PRKAR1A: variants seen among roughly 807,000 people sequenced by gnomAD.
PRKAR1A encodes the protein cAMP-dependent protein kinase type I-alpha regulatory subunit.
PRKAR1A carries 3 observed loss-of-function variants against 52.0 expected under a neutral mutation model. That is an observed-to-expected ratio of 0.06 (90% CI 0.03 to 0.15). The LOEUF is 0.15. Among genes scored for constraint, PRKAR1A ranks in the 10% least tolerant of loss-of-function variants. PRKAR1A has a pLI of 1.00. For missense variants in PRKAR1A, 240 were observed against 477.4 expected (o/e 0.50, Z 4.63); for synonymous variants, 188 against 168.4 (o/e 1.12, Z -0.90).
chr17:68,445,210 G>A, the PRKAR1A span, among the ~76,000 whole-genome samples: 4 of 152,156 alleles, frequency 2.6e-5, no homozygotes, highest in South Asian at 2.1e-4. Flanking sequence ...CTGAGCCACC[G>A]CGTTCAACAG....
At chr17:68,508,706 G>T (rs1193452851), upstream of PRKAR1A, among the ~76,000 whole-genome samples, 1 of 152,160 alleles carries the variant, frequency 6.6e-6, no homozygotes, top group African/African-American at 2.4e-5. Context: ...TGCTATTTTT[G>T]ATGAAGATAT....
At chr17:68,451,014 G>A in the PRKAR1A span, 30 of 1,374,902 alleles carry the variant, frequency 2.2e-5, no homozygotes, top group African/African-American at 1.0e-4. Flanking sequence ...GGGTCTTGCC[G>A]GCCAGGCGCC....
intron 11 of PRKAR1A, chr17:68,539,314 T>C (rs763888844): frequency 6.2e-7 from 1 of 1,613,530 alleles, no homozygotes; most frequent in South Asian, 1.1e-5. Context: ...CTTGCCCGTA[T>C]TATCTGCTGC....
chr17:68,437,973 A>AAAAAAAAAAAAAAAT, the PRKAR1A span, among the ~76,000 whole-genome samples: 1 of 139,848 alleles, frequency 7.2e-6, no homozygotes, highest in African/African-American at 2.6e-5. Flanking sequence ...AAAAAAAAAA[A>AAAAAAAAAAAAAAAT]GTGACTGGCG....
chr17:68,537,275 G>C (rs1354750427), downstream of PRKAR1A: 1 of 746,270 alleles, frequency 1.3e-6, no homozygotes, highest in Non-Finnish European at 2.3e-6. This position sits in a 1 kb window ranked among gnomAD's most constrained non-coding sequence, Gnocchi z 4.2. Flanking sequence ...AACGGAGCAA[G>C]GCAACGCACG....
chr17:68,428,577 TAGG>T, the PRKAR1A span: 1 of 408,620 alleles, frequency 2.4e-6, no homozygotes. Context: ...AGGGCTGTGT[TAGG>T]AGCATAGGCT....
the PRKAR1A span, among the ~76,000 whole-genome samples, chr17:68,490,677 G>A: frequency 6.6e-6 from 1 of 152,132 alleles, no homozygotes; most frequent in East Asian, 1.9e-4. Flanking sequence ...GTATGGAGAT[G>A]CGATTACCCA....
At chr17:68,540,087 G>T in intron 11 of PRKAR1A, 1 of 808,170 alleles carries the variant, frequency 1.2e-6, no homozygotes, top group Non-Finnish European at 2.1e-6. Context: ...TGTGAACGAA[G>T]CTGGGCCTCA....
chr17:68,534,194 A>T (rs1363516269), downstream of PRKAR1A, among the ~76,000 whole-genome samples: 1 of 152,208 alleles, frequency 6.6e-6, no homozygotes, highest in Non-Finnish European at 1.5e-5. Context: ...CTTCATCTGG[A>T]CTACACCTAA....
chr17:68,426,247 A>AGGGGGGGGGGGGGGGGGGGGG, the PRKAR1A span: 1 of 655,806 alleles, frequency 1.5e-6, no homozygotes, highest in Non-Finnish European at 2.3e-6. Flanking sequence ...GCGGGTGGGG[A>AGGGGGGGGGGGGGGGGGGGGG]GCGGGGGCTC....
At chr17:68,528,704 C>G (rs2085869533) in intron 8 of PRKAR1A, 166 bp from the exon 9 acceptor site, 1 of 864,518 alleles carries the variant, frequency 1.2e-6, no homozygotes. Context: ...GTATGAGAAT[C>G]CTGCTCAGAC....
chr17:68,514,031 CT>C (rs1438861596), intron 1 of PRKAR1A, among the ~76,000 whole-genome samples: 4 of 152,110 alleles, frequency 2.6e-5, no homozygotes, highest in Non-Finnish European at 5.9e-5. Context: ...GGAGAAGTGG[CT>C]TGTATAAATC....
intron 11 of PRKAR1A, chr17:68,539,284 A>G (rs2086189155): frequency 1.9e-6 from 3 of 1,591,216 alleles, no homozygotes; most frequent in Non-Finnish European, 2.6e-6. Context: ...TGCAAGCAGC[A>G]TGAAGGGTCA....
downstream of PRKAR1A, chr17:68,535,667 A>C (rs115751600): frequency 2.1e-3 from 926 of 448,500 alleles, 7 homozygotes; most frequent in African/African-American, 0.017. Context: ...ATTTAAAAAA[A>C]AATTTTTTTT....
chr17:68,457,273 C>G, the PRKAR1A span: 2 of 1,518,748 alleles, frequency 1.3e-6, no homozygotes, highest in Non-Finnish European at 1.8e-6. Context: ...AAGCTGCTCT[C>G]AGGACGACAC....
At chr17:68,497,808 G>T in the PRKAR1A span, among the ~76,000 whole-genome samples, 219 of 152,270 alleles carry the variant, frequency 1.4e-3, 1 homozygote, top group South Asian at 3.7e-3. Context: ...CTAACCATTA[G>T]GCTATGCTGC....
At chr17:68,436,573 C>T in the PRKAR1A span, 1 of 1,111,122 alleles carries the variant, frequency 9.0e-7, no homozygotes, top group East Asian at 2.5e-5. Flanking sequence ...GCTACAGTGC[C>T]ACCTACTGGC....
chr17:68,539,469 C>T, intron 11 of PRKAR1A: 1 of 1,376,126 alleles, frequency 7.3e-7, no homozygotes, highest in Non-Finnish European at 1.0e-6. Context: ...CCTCTCTCCT[C>T]TCAGCATTTT....
At chr17:68,429,383 C>A in the PRKAR1A span, among the ~76,000 whole-genome samples, 175 of 152,270 alleles carry the variant, frequency 1.1e-3, no homozygotes, top group African/African-American at 3.2e-3. Flanking sequence ...AAACATCTGT[C>A]AGCCCCATAG....
Sources: allele counts gnomAD v4.1 joint callset (sites outside exome capture counted in the v4.1 genomes callset), GRCh38; gene constraint gnomAD v4.1.1; non-coding constraint Gnocchi (gnomAD v3.1); transcripts MANE v1.5; gene names NCBI Gene and HGNC (gene_info 2026-07-23, HGNC 2026-07-21).